The following TCERG1L variants were observed in gnomAD, a reference collection of about 807,000 sequenced individuals.
TCERG1L encodes the protein transcription elongation regulator 1-like protein.
A neutral mutation model predicts 56.3 loss-of-function variants in TCERG1L; 37 were observed. That is an observed-to-expected ratio of 0.66 (90% CI 0.51 to 0.87). The LOEUF (loss-of-function observed/expected upper bound fraction) is 0.87. TCERG1L is among the 40% of genes least tolerant of loss of function. The pLI is 0.00. For missense variants in TCERG1L, 799 were observed against 774.2 expected, an observed-to-expected ratio of 1.03 and a Z score of -0.38; for synonymous variants, 324 against 326.3, an observed-to-expected ratio of 0.99 and a Z score of 0.08.
chr10:131,227,035 C>T (rs867405263), intron 4 of TCERG1L, among the ~76,000 whole-genome samples: 1 of 152,268 alleles, frequency 6.6e-6, no homozygotes, highest in African/African-American at 2.4e-5. Context: ...TCCAGCCCTG[C>T]TCACAACAGC....
At chr10:131,247,108 C>G (rs2133528287) in intron 4 of TCERG1L, among the ~76,000 whole-genome samples, 1 of 152,210 alleles carries the variant, frequency 6.6e-6, no homozygotes, top group African/African-American at 2.4e-5. Context: ...CCAGGTGCCA[C>G]AGTGCCATCC....
At chr10:131,300,466 T>C (rs911732512) in intron 3 of TCERG1L, among the ~76,000 whole-genome samples, 1 of 152,228 alleles carries the variant, frequency 6.6e-6, no homozygotes, top group African/African-American at 2.4e-5. Context: ...ATTGATCTAA[T>C]TTCACTAATT....
At chr10:131,111,725 TGGGG>T (rs1156690919) in intron 9 of TCERG1L, among the ~76,000 whole-genome samples, 1 of 142,960 alleles carries the variant, frequency 7.0e-6, no homozygotes, top group Non-Finnish European at 1.6e-5. Context: ...TTAGTTATCT[TGGGG>T]CCTGCGTGGA....
intron 6 of TCERG1L, chr10:131,162,876 G>A: frequency 2.7e-6 from 1 of 369,956 alleles, no homozygotes; most frequent in Non-Finnish European, 4.8e-6. Context: ...ACATGCAACA[G>A]CATTATCATT....
intron 3 of TCERG1L, among the ~76,000 whole-genome samples, chr10:131,272,930 A>G (rs1846354441): frequency 6.6e-6 from 1 of 152,226 alleles, no homozygotes; most frequent in Non-Finnish European, 1.5e-5. Flanking sequence ...CAAGGTGCCC[A>G]GCCGGGAGCT....
At chr10:131,213,212 C>T (rs1183486367) in intron 4 of TCERG1L, among the ~76,000 whole-genome samples, 1 of 152,222 alleles carries the variant, frequency 6.6e-6, no homozygotes, top group African/African-American at 2.4e-5. Flanking sequence ...TCTATCAGCC[C>T]TGAGCTCCTG....
chr10:131,284,803 G>GAA (rs1461394789), intron 3 of TCERG1L, among the ~76,000 whole-genome samples: 2 of 151,702 alleles, frequency 1.3e-5, no homozygotes, highest in African/African-American at 4.8e-5. Flanking sequence ...ATAAATTCTA[G>GAA]AAGAAAAATA....
intron 4 of TCERG1L, among the ~76,000 whole-genome samples, chr10:131,254,095 G>A (rs569091220): frequency 6.6e-6 from 1 of 152,250 alleles, no homozygotes; most frequent in Admixed American, 6.5e-5. Context: ...AGGGGGTGGA[G>A]GAGAGCGTCC....
chr10:131,119,865 C>T (rs1845496359), intron 8 of TCERG1L, among the ~76,000 whole-genome samples: 1 of 152,216 alleles, frequency 6.6e-6, no homozygotes, highest in African/African-American at 2.4e-5. Flanking sequence ...GGTAGCCTTA[C>T]TGCATCACAG....
At chr10:131,166,362 C>A (rs1306747626) in intron 5 of TCERG1L, among the ~76,000 whole-genome samples, 4 of 152,250 alleles carry the variant, frequency 2.6e-5, no homozygotes, top group African/African-American at 7.2e-5. Context: ...CTATTGAAAA[C>A]ACGAAATGCT....
chr10:131,280,188 T>G (rs1019008483), intron 3 of TCERG1L, among the ~76,000 whole-genome samples: 1 of 151,056 alleles, frequency 6.6e-6, no homozygotes, highest in African/African-American at 2.4e-5. Context: ...CAGGTCATGG[T>G]AGATAAGAGA....
At position 131,114,093 on chromosome 10, in the gene TCERG1L, G is replaced by A. The variant is rs189238951; in HGVS notation, c.1395+2706C>T. Among the ~76,000 whole-genome samples the A allele has an allele frequency of 7.7e-5, 11 of 142,278 alleles. 2 individuals are homozygous for A. Among genetic ancestry groups the A allele is most frequent in the Admixed American group, 5.6e-4 (8 of 14,400 alleles). The allele number at this position is 142,278 out of a possible 152,430, so 93.3% of individuals were successfully genotyped here. A position where few individuals can be genotyped will look rare whatever the true frequency, so the allele number is the denominator to read the frequency against. On this transcript the variant is annotated intron_variant, in intron 9 of 11. Coordinates refer to ENST00000368642, the MANE Select transcript of TCERG1L (RefSeq NM_174937.4). The stretch of plus-strand genomic sequence containing the variant: ...CCCGCTGCCCCAGGGCACAATCCCC[G>A]TGGCAGGGCCCAAACTCTGCCCTTT...
At chr10:131,175,080 A>T (rs1020853774) in intron 4 of TCERG1L, among the ~76,000 whole-genome samples, 5 of 152,176 alleles carry the variant, frequency 3.3e-5, no homozygotes, top group African/African-American at 1.2e-4. Context: ...ATCTGGTGTC[A>T]CGGCTAGACA....
At chr10:131,284,033 AG>A (rs1221345357) in intron 3 of TCERG1L, among the ~76,000 whole-genome samples, 2 of 151,430 alleles carry the variant, frequency 1.3e-5, no homozygotes, top group Non-Finnish European at 2.9e-5. Context: ...TGAGGCAGGC[AG>A]GAGAATCACT....
At chr10:131,102,409 C>T (rs188365848) in intron 10 of TCERG1L, among the ~76,000 whole-genome samples, 198 of 152,264 alleles carry the variant, frequency 1.3e-3, no homozygotes, top group Non-Finnish European at 2.0e-3. Flanking sequence ...CAACGAGCAA[C>T]GCGGGTCCAT....
chr10:131,246,695 C>T (rs962125653), intron 4 of TCERG1L, among the ~76,000 whole-genome samples: 2 of 151,858 alleles, frequency 1.3e-5, no homozygotes, highest in Non-Finnish European at 1.5e-5. Context: ...CTCAGGGATG[C>T]GGCAGAAGTC....
chr10:131,160,439 C>T (rs964421715), intron 6 of TCERG1L, among the ~76,000 whole-genome samples: 1 of 151,704 alleles, frequency 6.6e-6, no homozygotes, highest in Non-Finnish European at 1.5e-5. Flanking sequence ...ACCTGAAGCC[C>T]CTGGCCCTAC....
chr10:131,266,410 C>T (rs1020545109), intron 3 of TCERG1L, among the ~76,000 whole-genome samples: 5 of 152,280 alleles, frequency 3.3e-5, no homozygotes, highest in East Asian at 3.9e-4. Flanking sequence ...TTAGCAGGCA[C>T]GAAAACAATT....
chr10:131,198,680 T>G (rs1400276249), intron 4 of TCERG1L, among the ~76,000 whole-genome samples: 1 of 152,242 alleles, frequency 6.6e-6, no homozygotes, highest in East Asian at 1.9e-4. Flanking sequence ...CCCAGGCTGA[T>G]GCTGCATGCT....
Sources: gnomAD v4.1 joint callset for allele counts (sites outside exome capture counted in the v4.1 genomes callset) on GRCh38, gnomAD v4.1.1 for gene constraint, MANE v1.5 for transcripts, NCBI Gene and HGNC (gene_info 2026-07-23, HGNC 2026-07-21) for gene names.